Variants in MS4A15 observed in about 807,000 individuals in gnomAD.
MS4A15 encodes membrane-spanning 4-domains subfamily A member 15.
In MS4A15, 22 loss-of-function variants were observed where a neutral mutation model predicts 20.6. The observed-to-expected ratio is 1.07, with a 90% CI of 0.76 to 1.52. The LOEUF (loss-of-function observed/expected upper bound fraction) is 1.52. MS4A15 is among the 40% of genes most tolerant of loss of function. The pLI is 0.00. For synonymous variants in MS4A15, 129 were observed against 129.3 expected (o/e 1.00, Z 0.02); for missense variants, 312 against 323.0 (o/e 0.97, Z 0.26).
rs535052851 is a variant in MS4A15, at chr11:60,765,075, T to C, written c.225+1117T>C. 2.0e-5 allele frequency among the ~76,000 whole-genome samples: 3 copies of C among 152,242 alleles called. No homozygotes were observed. In the East Asian group the frequency reaches 5.8e-4, roughly 29 times the overall value. On this transcript the variant is annotated intron_variant, in intron 2 of 6. Transcript: ENST00000405633. ...TTATAGGCCAAACACAGAAGTGAAG[T>C]AGAGAAATCTCCCGATCAGCTGCAG...
In MS4A15 at chr11:60,773,914, C is replaced by G. The variant is rs1489969549; in HGVS notation, c.576C>G (p.His192Gln). Residue 192 changes from histidine (H) to glutamine (Q), a missense_variant, in exon 6 of 7, where the codon CAC (histidine) becomes CAG (glutamine). His to Gln is a conservative substitution (Grantham distance 24, BLOSUM62 0). Transcript: ENST00000405633. The part of the protein sequence containing the change: ...LEFFTAVIAM[H>Q]FGCQAIHAQA... The stretch of plus-strand genomic sequence containing the variant: ...TCTTCACAGCGGTCATTGCCATGCA[C>G]TTCGGGTGCCAAGCCATCCATGCCC... 1 of 1,614,144 alleles carries G rather than the reference C, an allele frequency of 6.2e-7. No individual in the cohort carries two copies. The highest frequency in any genetic ancestry group is 1.1e-5 in the South Asian group (1 of 91,080).
At chr11:60,769,321 A>G (rs1024933337) in intron 3 of MS4A15, among the ~76,000 whole-genome samples, 3 of 152,106 alleles carry the variant, frequency 2.0e-5, no homozygotes, top group Non-Finnish European at 4.4e-5. Context: ...TATTATGTGC[A>G]TTTTTCTAGA....
intron 4 of MS4A15, among the ~76,000 whole-genome samples, chr11:60,773,013 C>T (rs1047408275): frequency 2.0e-5 from 3 of 152,196 alleles, no homozygotes; most frequent in African/African-American, 4.8e-5. Context: ...CCAACCCATG[C>T]CCCTGAGCAG....
At chr11:60,767,332 G>A (rs577161823) in intron 2 of MS4A15, among the ~76,000 whole-genome samples, 1 of 152,352 alleles carries the variant, frequency 6.6e-6, no homozygotes, top group East Asian at 1.9e-4. Flanking sequence ...TGTGGGTCCC[G>A]TAGGCTGCGG....
intron 2 of MS4A15, among the ~76,000 whole-genome samples, chr11:60,766,997 C>T (rs545595273): frequency 5.9e-5 from 9 of 152,224 alleles, no homozygotes; most frequent in Non-Finnish European, 1.3e-4. Flanking sequence ...TTGGGAAAAC[C>T]ATCCCACTTC....
rs576702993 is a variant in MS4A15 at position 60,764,045 on chromosome 11, G to A, written c.225+87G>A. On this transcript the variant is annotated intron_variant, in intron 2 of 6. Coordinates refer to ENST00000405633, the MANE Select transcript of MS4A15 (RefSeq NM_001098835.2). ...CATGCATGTTTTGGAGAGGGGAGAA[G>A]GCAGTTAACAAATATGTAGTAATGA... 4.0e-6 allele frequency: 5 copies of A among 1,239,346 alleles called. No individual in the cohort carries two copies. In the African/African-American group the frequency reaches 7.5e-5, roughly 19 times the overall value. 76.8% of individuals were successfully genotyped at this position (1,239,346 alleles called of 1,614,324 possible). A position where few individuals can be genotyped will look rare whatever the true frequency, so the allele number is the denominator to read the frequency against.
chr11:60,765,423 T>C (rs575180409), intron 2 of MS4A15, among the ~76,000 whole-genome samples: 48 of 151,942 alleles, frequency 3.2e-4, no homozygotes, highest in Non-Finnish European at 6.5e-4. Flanking sequence ...GTGATGATGA[T>C]GAAGGTGAAG....
At chr11:60,774,768 G>A (rs1270326941) in intron 6 of MS4A15, among the ~76,000 whole-genome samples, 3 of 152,240 alleles carry the variant, frequency 2.0e-5, no homozygotes, top group Non-Finnish European at 4.4e-5. Flanking sequence ...GCTGCCTCGG[G>A]CAGGCAAATG....
At chr11:60,757,359 T>C (rs1853620661) in intron 1 of MS4A15, among the ~76,000 whole-genome samples, 1 of 152,140 alleles carries the variant, frequency 6.6e-6, no homozygotes. Context: ...GAGGTTATTG[T>C]TTTGACCACC....
intron 2 of MS4A15, among the ~76,000 whole-genome samples, chr11:60,765,816 A>T (rs1853871369): frequency 6.6e-6 from 1 of 151,488 alleles, no homozygotes; most frequent in African/African-American, 2.4e-5. Flanking sequence ...CTTGTGGCCC[A>T]TGGAGACAGC....
At chr11:60,769,312 A>G (rs1014417387) in intron 3 of MS4A15, among the ~76,000 whole-genome samples, 2 of 152,170 alleles carry the variant, frequency 1.3e-5, no homozygotes, top group African/African-American at 4.8e-5. Context: ...GTACAGGGGT[A>G]TTATGTGCAT....
chr11:60,767,132 A>G (rs1853902916), intron 2 of MS4A15, among the ~76,000 whole-genome samples: 1 of 152,078 alleles, frequency 6.6e-6, no homozygotes, highest in Admixed American at 6.5e-5. Context: ...TGGACACGGA[A>G]ATTGTGTGAT....
intron 4 of MS4A15, among the ~76,000 whole-genome samples, chr11:60,771,911 C>T (rs11230471): frequency 2.0e-5 from 3 of 152,078 alleles, no homozygotes; most frequent in African/African-American, 2.4e-5. Flanking sequence ...TCAGAGAACA[C>T]GGCAATGAAG....
In MS4A15 at chr11:60,770,947, T is replaced by C. The variant is rs927037637; in HGVS notation, c.349-344T>C. ...GTCTTGAACTCTTGACTTCAAGAGA[T>C]CCTCCCACCTCGGCCTCCCAAACTT... On this transcript the variant is annotated intron_variant, in intron 3 of 6. Coordinates refer to ENST00000405633, the MANE Select transcript of MS4A15 (RefSeq NM_001098835.2). Among the ~76,000 whole-genome samples the C allele has an allele frequency of 2.5e-4, 38 of 152,268 alleles. 1 individual carries two copies. Among genetic ancestry groups the C allele is most frequent in the African/African-American group, 9.1e-4 (38 of 41,566 alleles).
intron 5 of MS4A15, 24 bp from the exon 6 acceptor site, chr11:60,773,813 C>T (rs1297988007): frequency 6.2e-7 from 1 of 1,602,826 alleles, no homozygotes; most frequent in African/African-American, 1.3e-5. Context: ...CTGGGCTCAC[C>T]TTTCTGTGGG....
chr11:60,767,469 G>T (rs1853910734), intron 2 of MS4A15, 64 bp from the exon 3 acceptor site: 2 of 1,411,338 alleles, frequency 1.4e-6, no homozygotes, highest in South Asian at 3.1e-5. Flanking sequence ...CACGCTCTCC[G>T]CGGGGCCGGC....
chr11:60,757,736 A>G (rs569080485), intron 1 of MS4A15, among the ~76,000 whole-genome samples: 29 of 152,300 alleles, frequency 1.9e-4, no homozygotes, highest in African/African-American at 7.0e-4. Context: ...TGGTTCTTGG[A>G]TAAGACCTCC....
chr11:60,763,634 G>A (rs1201171507), intron 1 of MS4A15, 72 bp from the exon 2 acceptor site: 7 of 1,259,744 alleles, frequency 5.6e-6, no homozygotes, highest in South Asian at 1.3e-5. Flanking sequence ...AGGGAAGTAG[G>A]CACGTTGCTT....
At chr11:60,766,791 A>G (rs376548657) in intron 2 of MS4A15, among the ~76,000 whole-genome samples, 22 of 152,230 alleles carry the variant, frequency 1.4e-4, no homozygotes, top group Admixed American at 6.5e-4. Context: ...TAAAAGGACC[A>G]TGCTGGTTTG....
Sources: gnomAD v4.1 joint callset for allele counts (sites outside exome capture counted in the v4.1 genomes callset) on GRCh38, gnomAD v4.1.1 for gene constraint, MANE v1.5 for transcripts, NCBI Gene and HGNC (gene_info 2026-07-23, HGNC 2026-07-21) for gene names.